The following PLA1A variants were observed in gnomAD, a reference collection of about 807,000 sequenced individuals.
PLA1A encodes the protein phospholipase A1 member A.
PLA1A carries 47 observed loss-of-function variants against 49.4 expected under a neutral mutation model. The observed-to-expected ratio is 0.95, with a 90% CI of 0.75 to 1.21. The LOEUF is 1.21. Ranked by LOEUF, PLA1A falls within the 50% of genes most tolerant of loss-of-function variation. PLA1A has a pLI of 0.00. For synonymous variants in PLA1A, 224 were observed against 207.9 expected (o/e 1.08, Z -0.67); for missense variants, 561 against 563.9 (o/e 0.99, Z 0.05).
chr3:119,611,729 G>A (rs1270882946), intron 4 of PLA1A, among the ~76,000 whole-genome samples: 1 of 152,228 alleles, frequency 6.6e-6, no homozygotes, highest in Non-Finnish European at 1.5e-5. Flanking sequence ...CTTTGCTGGA[G>A]TTGTTTATCA....
At chr3:119,612,253 T>C (rs1369115233) in intron 4 of PLA1A, among the ~76,000 whole-genome samples, 1 of 152,170 alleles carries the variant, frequency 6.6e-6, no homozygotes, top group Non-Finnish European at 1.5e-5. Context: ...TTTGAACTCT[T>C]GTGGCAGGGT....
At chr3:119,619,930 G>A (rs1028084767) in intron 8 of PLA1A, 3 of 467,630 alleles carry the variant, frequency 6.4e-6, no homozygotes, top group Admixed American at 2.9e-5. Context: ...GTGATGTTTA[G>A]GAGTGTCCTC....
intron 9 of PLA1A, among the ~76,000 whole-genome samples, chr3:119,626,749 G>C (rs1029878368): frequency 6.6e-6 from 1 of 152,158 alleles, no homozygotes. Context: ...CCAAAACCGT[G>C]GCCACTAGCT....
intron 1 of PLA1A, among the ~76,000 whole-genome samples, chr3:119,601,295 T>C (rs925772480): frequency 3.9e-5 from 6 of 152,162 alleles, no homozygotes; most frequent in African/African-American, 1.4e-4. Context: ...CATTTGCAGA[T>C]CACAGAGGCC....
intron 4 of PLA1A, among the ~76,000 whole-genome samples, chr3:119,611,939 T>A (rs986160571): frequency 2.0e-5 from 3 of 152,158 alleles, no homozygotes; most frequent in Admixed American, 6.5e-5. Flanking sequence ...ACAGCCCACA[T>A]CTCCTTGGCC....
At chr3:119,627,636 C>A (rs889261520) in intron 9 of PLA1A, among the ~76,000 whole-genome samples, 119 of 152,324 alleles carry the variant, frequency 7.8e-4, no homozygotes, top group African/African-American at 2.4e-3. Context: ...CCACCCCTGC[C>A]CCCGCCGAGA....
chr3:119,618,047 G>A lies in PLA1A; in HGVS notation c.783G>A (p.Met261Ile), dbSNP rs2082876822. The A allele has an allele frequency of 6.2e-7, 1 of 1,613,868 alleles. No homozygotes were observed. Among genetic ancestry groups the A allele is most frequent in the South Asian group, 1.1e-5 (1 of 91,014 alleles). ...AGYSYLICDH[M>I]RAVHLYISAL... ...ATAGTTATCTGATCTGTGATCACAT[G>A]AGGGCTGTGCACCTCTACATCAGCG... is the stretch of plus-strand genomic sequence containing the variant. The change falls in exon 7 of 11, where the codon ATG becomes ATA. Residue 261 changes from methionine to isoleucine, a missense_variant. Transcript: ENST00000273371.
At chr3:119,617,212 T>G (rs1302910898) in intron 6 of PLA1A, among the ~76,000 whole-genome samples, 5 of 152,192 alleles carry the variant, frequency 3.3e-5, no homozygotes, top group Non-Finnish European at 4.4e-5. Context: ...AAATTCGGCA[T>G]ATCAGTCATT....
chr3:119,600,820 C>T (rs1239113567), intron 1 of PLA1A, among the ~76,000 whole-genome samples: 1 of 152,216 alleles, frequency 6.6e-6, no homozygotes, highest in East Asian at 1.9e-4. Context: ...CTGTGGGGAG[C>T]CCAGGGCTCA....
chr3:119,618,419 A>C (rs1337499750), intron 7 of PLA1A, among the ~76,000 whole-genome samples: 5 of 151,790 alleles, frequency 3.3e-5, no homozygotes, highest in African/African-American at 1.2e-4. Flanking sequence ...CCCCACACAC[A>C]CCCTTCCCAC....
chr3:119,609,058 G>A, intron 3 of PLA1A, 111 bp downstream of exon 3: 1 of 829,552 alleles, frequency 1.2e-6, no homozygotes, highest in South Asian at 1.7e-5. Context: ...TCACCAGGTA[G>A]CTCGGTGGTC....
chr3:119,606,537 G>A (rs1207674659), intron 1 of PLA1A, among the ~76,000 whole-genome samples: 1 of 152,134 alleles, frequency 6.6e-6, no homozygotes, highest in African/African-American at 2.4e-5. Flanking sequence ...ATCTCATCTA[G>A]TTGAGCAATA....
At chr3:119,625,977 G>A (rs1472980330) in intron 9 of PLA1A, among the ~76,000 whole-genome samples, 1 of 152,200 alleles carries the variant, frequency 6.6e-6, no homozygotes, top group Non-Finnish European at 1.5e-5. Context: ...TAATGTCACT[G>A]TCTCAGTGAG....
Position 119,625,300 on chromosome 3 carries a change from T to C in PLA1A, c.1121+68T>C, listed in dbSNP as rs932502434. On this transcript the variant is annotated intron_variant, in intron 9 of 10. Transcript: ENST00000273371. The stretch of plus-strand genomic sequence containing the variant: ...TGGTTACTTTTTCATTTTACACACA[T>C]GGACATCCCAGGTCAGGGACTGTGT... 3.0e-6 allele frequency: 3 copies of C among 998,386 alleles called. No individual in the cohort carries two copies. The African/African-American group carries it at 4.7e-5, about 16-fold the overall frequency. The allele number at this position is 998,386 out of a possible 1,614,324, so 61.8% of individuals were successfully genotyped here.
intron 1 of PLA1A, among the ~76,000 whole-genome samples, chr3:119,605,280 A>G (rs1432371858): frequency 6.6e-6 from 1 of 152,188 alleles, no homozygotes; most frequent in Non-Finnish European, 1.5e-5. Context: ...TGCCTCTGCA[A>G]GGGGATTGAG....
At chr3:119,622,063 G>C (rs1424833998) in intron 8 of PLA1A, among the ~76,000 whole-genome samples, 1 of 143,348 alleles carries the variant, frequency 7.0e-6, no homozygotes, top group Admixed American at 6.8e-5. Context: ...GCCTGGGCAA[G>C]AGAGCAAGAA....
intron 3 of PLA1A, 44 bp downstream of exon 3, chr3:119,608,991 G>A (rs2082730792): frequency 6.6e-7 from 1 of 1,521,408 alleles, no homozygotes; most frequent in Non-Finnish European, 9.1e-7. Context: ...TGCGTATGAG[G>A]AGAGAGGGTC....
chr3:119,606,496 C>A lies in PLA1A; in HGVS notation c.74-278C>A, dbSNP rs1049431013. 4.6e-5 allele frequency among the ~76,000 whole-genome samples: 7 copies of A among 152,224 alleles called. No individual in the cohort carries two copies. The South Asian group carries it at 8.3e-4, about 18-fold the overall frequency. ...TTGGGGGATGAGACTCAGTTCAGCC[C>A]GGAACAACAGCCATTTCACCATGGC... On this transcript the variant is annotated intron_variant, in intron 1 of 10. Transcript: ENST00000273371.
chr3:119,629,690 G>A lies in PLA1A; in HGVS notation c.*222G>A. The A allele has an allele frequency of 3.9e-6, 2 of 510,418 alleles. No homozygotes were observed. The allele number at this position is 510,418 out of a possible 1,614,324, so 31.6% of individuals were successfully genotyped here. ...CGATCTTATGTACATACCCATTTTA[G>A]CTTTCCCATGCATACTTAACTGCAC... On this transcript the variant is annotated 3_prime_UTR_variant, in exon 11 of 11. Coordinates refer to ENST00000273371, the MANE Select transcript of PLA1A (RefSeq NM_015900.4).
Sources: gnomAD v4.1 joint callset for allele counts (sites outside exome capture counted in the v4.1 genomes callset) on GRCh38, gnomAD v4.1.1 for gene constraint, MANE v1.5 for transcripts, NCBI Gene and HGNC (gene_info 2026-07-23, HGNC 2026-07-21) for gene names.